Variants in LRRTM4 observed in about 807,000 individuals in gnomAD.
LRRTM4 encodes leucine-rich repeat transmembrane neuronal protein 4.
In LRRTM4, 25 loss-of-function variants were observed where a neutral mutation model predicts 47.6. The observed-to-expected ratio is 0.53, with a 90% CI of 0.38 to 0.73. The LOEUF (loss-of-function observed/expected upper bound fraction) is 0.73, where lower values mean the gene tolerates loss of function less well. Ranked by LOEUF, LRRTM4 falls within the 30% of genes least tolerant of loss-of-function variation. The probability of loss-of-function intolerance (pLI) is 0.00; values close to 1 mark genes in which losing one functional copy is unlikely to be tolerated. For synonymous variants in LRRTM4, 311 were observed against 269.5 expected, an observed-to-expected ratio of 1.15 and a Z score of -1.51; for missense variants, 638 against 713.4, an observed-to-expected ratio of 0.89 and a Z score of 1.20.
chr2:77,095,638 TGAGACTGCA>T (rs200227255), intron 3 of LRRTM4, among the ~76,000 whole-genome samples: 2,143 of 151,812 alleles, frequency 0.014, 51 homozygotes, highest in African/African-American at 0.05. Context: ...CCCAAGTAAC[TGAGACTGCA>T]GGCTCAGTTA....
At chr2:77,477,608 C>G (rs549433402) in intron 3 of LRRTM4, among the ~76,000 whole-genome samples, 1 of 151,614 alleles carries the variant, frequency 6.6e-6, no homozygotes, top group Non-Finnish European at 1.5e-5. Context: ...TTTGGGAGGC[C>G]GAGGTGGACG....
intron 3 of LRRTM4, among the ~76,000 whole-genome samples, chr2:77,241,720 T>C (rs1675273909): frequency 6.6e-6 from 1 of 152,142 alleles, no homozygotes. Flanking sequence ...ATATTCACTT[T>C]ATTGAGATAC....
At chr2:77,227,195 A>G (rs1674839180) in intron 3 of LRRTM4, among the ~76,000 whole-genome samples, 1 of 152,010 alleles carries the variant, frequency 6.6e-6, no homozygotes, top group Non-Finnish European at 1.5e-5. Context: ...TCCCTTAAGA[A>G]TTTAACACAC....
At chr2:76,919,575 A>T (rs1402459616) in intron 3 of LRRTM4, among the ~76,000 whole-genome samples, 1 of 152,090 alleles carries the variant, frequency 6.6e-6, no homozygotes, top group Non-Finnish European at 1.5e-5. Context: ...TCATCCTGTG[A>T]CTATCAGGAA....
At chr2:77,084,320 A>G (rs904343438) in intron 3 of LRRTM4, among the ~76,000 whole-genome samples, 2 of 152,170 alleles carry the variant, frequency 1.3e-5, no homozygotes, top group African/African-American at 4.8e-5. Flanking sequence ...CCCGAAGATG[A>G]AGACCATAGC....
intron 3 of LRRTM4, among the ~76,000 whole-genome samples, chr2:77,089,755 G>A (rs1448380429): frequency 8.6e-5 from 13 of 151,994 alleles, no homozygotes; most frequent in Admixed American, 7.9e-4. Context: ...CTGCAATGCC[G>A]CTTGACCCCA....
intron 3 of LRRTM4, chr2:77,517,576 A>G (rs1679257294): frequency 1.0e-6 from 1 of 985,256 alleles, no homozygotes; most frequent in Non-Finnish European, 1.2e-6. Flanking sequence ...TAGCCAGTGC[A>G]TAAAAACCTT....
At chr2:76,958,314 G>A (rs1675743021) in intron 3 of LRRTM4, among the ~76,000 whole-genome samples, 1 of 151,752 alleles carries the variant, frequency 6.6e-6, no homozygotes, top group South Asian at 2.1e-4. Context: ...AAAGTTTTGA[G>A]TTTGACTCTA....
intron 3 of LRRTM4, among the ~76,000 whole-genome samples, chr2:77,047,817 G>A (rs897574781): frequency 6.6e-6 from 1 of 151,874 alleles, no homozygotes; most frequent in Non-Finnish European, 1.5e-5. Flanking sequence ...TAAACCAATC[G>A]TACTTGGAAG....
intron 3 of LRRTM4, among the ~76,000 whole-genome samples, chr2:77,437,280 G>C (rs916685021): frequency 6.6e-6 from 1 of 151,982 alleles, no homozygotes; most frequent in African/African-American, 2.4e-5. Flanking sequence ...TTCTGAGCAG[G>C]CAAGCATGAG....
intron 3 of LRRTM4, among the ~76,000 whole-genome samples, chr2:76,764,705 A>G (rs1240764400): frequency 3.3e-5 from 5 of 152,224 alleles, no homozygotes; most frequent in Non-Finnish European, 7.3e-5. Flanking sequence ...GGAGACAGAG[A>G]AAGTGGGAAA....
chr2:77,052,669 T>A (rs1573504824), intron 3 of LRRTM4, among the ~76,000 whole-genome samples: 1 of 152,098 alleles, frequency 6.6e-6, no homozygotes, highest in South Asian at 2.1e-4. Flanking sequence ...TAACATTTTA[T>A]AAGCATTGCT....
In LRRTM4 at chr2:77,519,077, G is replaced by A; in HGVS notation, c.792C>T (p.Asp264=). The change falls in exon 3 of 4, where the codon GAC becomes GAT. Residue 264 remains aspartate, a synonymous_variant. Transcript: ENST00000409884. The surrounding 1 kb of genome is among the most constrained non-coding windows in gnomAD (Gnocchi z 4.6). ...ATGTGCCCGGCTCAATTCCTTGGAT[G>A]TCATTCCCTGATAAATCCAAGTTGT... The part of the protein sequence containing the change: ...SLHNLDLSGN[D]IQGIEPGTFK... The A allele has an allele frequency of 1.2e-6, 2 of 1,612,818 alleles. No individual in the cohort carries two copies. The highest frequency in any genetic ancestry group is 1.7e-6 in the Non-Finnish European group (2 of 1,179,398).
At chr2:77,310,455 T>C (rs898625895) in intron 3 of LRRTM4, among the ~76,000 whole-genome samples, 1 of 152,188 alleles carries the variant, frequency 6.6e-6, no homozygotes, top group Non-Finnish European at 1.5e-5. Flanking sequence ...CTCTTCTGTG[T>C]GTCTGTAGAC....
chr2:76,864,568 A>G (rs1360490037), intron 3 of LRRTM4, among the ~76,000 whole-genome samples: 1 of 151,484 alleles, frequency 6.6e-6, no homozygotes, highest in Non-Finnish European at 1.5e-5. Context: ...GAGGCAGGGG[A>G]ATTGCTTGAA....
At chr2:77,113,263 G>T (rs1671299272) in intron 3 of LRRTM4, among the ~76,000 whole-genome samples, 1 of 152,116 alleles carries the variant, frequency 6.6e-6, no homozygotes, top group South Asian at 2.1e-4. Flanking sequence ...GATGGGGTTA[G>T]AACAGCTTTT....
intron 3 of LRRTM4, among the ~76,000 whole-genome samples, chr2:77,257,151 ACTTTT>A (rs1675792443): frequency 6.6e-6 from 1 of 152,106 alleles, no homozygotes; most frequent in African/African-American, 2.4e-5. Context: ...ACTTGATAAT[ACTTTT>A]TCTAAAGGCT....
chr2:77,118,201 A>T (rs752760896), intron 3 of LRRTM4, among the ~76,000 whole-genome samples: 51 of 151,952 alleles, frequency 3.4e-4, no homozygotes, highest in Admixed American at 7.9e-4. Context: ...CACTGAGAGT[A>T]AGGCTCATTT....
intron 3 of LRRTM4, among the ~76,000 whole-genome samples, chr2:77,287,422 T>C (rs1676695892): frequency 6.6e-6 from 1 of 151,842 alleles, no homozygotes; most frequent in African/African-American, 2.4e-5. Context: ...ATCATATGTA[T>C]ATATTAGATA....
Sources: gnomAD v4.1 joint callset for allele counts (sites outside exome capture counted in the v4.1 genomes callset) on GRCh38, gnomAD v4.1.1 for gene constraint, Gnocchi (gnomAD v3.1) non-coding constraint, MANE v1.5 for transcripts, NCBI Gene and HGNC (gene_info 2026-07-23, HGNC 2026-07-21) for gene names.